Variants in MYH6 observed in about 807,000 individuals in gnomAD.
The protein encoded by MYH6 is myosin heavy chain 6.
A neutral mutation model predicts 223.2 loss-of-function variants in MYH6; 126 were observed. That is an observed-to-expected ratio of 0.56 (90% CI 0.49 to 0.65). The LOEUF (loss-of-function observed/expected upper bound fraction) is 0.65. Ranked by LOEUF, MYH6 falls within the 30% of genes least tolerant of loss-of-function variation. The probability of loss-of-function intolerance (pLI) is 0.00; values close to 1 mark genes in which losing one functional copy is unlikely to be tolerated. For missense variants in MYH6, 2,040 were observed against 2,536.4 expected (o/e 0.80, Z 4.20); for synonymous variants, 978 against 1,010.2 (o/e 0.97, Z 0.61).
In MYH6 at chr14:23,405,489, C is replaced by A; in HGVS notation, c.346-110G>T. ...ACTCCAGCTGGCTCTACTCCTCCTG[C>A]AGCTGACTAGGGGTGGAGGGGGGAA... On this transcript the variant is annotated intron_variant, in intron 4 of 38. Transcript: ENST00000405093. The surrounding 1 kb of genome is among the most constrained non-coding windows in gnomAD (Gnocchi z 4.7). 1 of 1,598,336 alleles carries A rather than the reference C, an allele frequency of 6.3e-7. No homozygotes were observed. The highest frequency in any genetic ancestry group is 8.6e-7 in the Non-Finnish European group (1 of 1,168,160).
intron 29 of MYH6, chr14:23,388,550 C>T (rs1260905996): frequency 6.7e-6 from 6 of 891,642 alleles, no homozygotes; most frequent in Middle Eastern, 3.0e-4. Context: ...GGTGTCAGTG[C>T]CCCCTGCCCT....
At chr14:23,394,407 AC>A (rs1269753131) in intron 20 of MYH6, 84 bp from the exon 21 acceptor site, 17 of 1,558,736 alleles carry the variant, frequency 1.1e-5, no homozygotes, top group Non-Finnish European at 1.4e-5. Context: ...GTTCGTAGGC[AC>A]GTAGACTTCC....
rs753687385 is a variant in MYH6, at chr14:23,387,747, C to A, written c.4525+11G>T. 5 of 1,613,900 alleles carry A rather than the reference C, an allele frequency of 3.1e-6. No homozygotes were observed. The highest frequency in any genetic ancestry group is 4.2e-6 in the Non-Finnish European group (5 of 1,180,000). On this transcript the variant is annotated intron_variant, in intron 31 of 38. Transcript: ENST00000405093. Reference sequence around the variant, plus strand: ...CCAACTCATCTCTGGCCTCTTGGACCCCCAGCACACCCTGAAGGTTCTTGT... The same window carrying A: ...CCAACTCATCTCTGGCCTCTTGGACACCCAGCACACCCTGAAGGTTCTTGT...
chr14:23,391,524 C>T (rs1312950144), intron 25 of MYH6, among the ~76,000 whole-genome samples: 1 of 152,240 alleles, frequency 6.6e-6, no homozygotes, highest in Non-Finnish European at 1.5e-5. Flanking sequence ...GAAGGCGGGC[C>T]AGTCCCTGTG....
At chr14:23,397,952 CTTCTTCTTCTTCTTCT>C (rs1566512445) in intron 15 of MYH6, among the ~76,000 whole-genome samples, 3 of 91,170 alleles carry the variant, frequency 3.3e-5, no homozygotes, top group African/African-American at 1.4e-4. Flanking sequence ...TCTTCTTCTT[CTTCTTCTTCTTCTTCT>C]TCTTCTTCTT....
chr14:23,383,947 C>T (rs1890937255), intron 36 of MYH6, among the ~76,000 whole-genome samples: 1 of 152,174 alleles, frequency 6.6e-6, no homozygotes, highest in African/African-American at 2.4e-5. Context: ...ACCCTCGTCT[C>T]CTTGGCCTTT....
Position 23,404,833 on chromosome 14 carries a change from C to T in MYH6, c.531-11G>A, listed in dbSNP as rs369719466. The stretch of plus-strand genomic sequence containing the variant: ...GCCCCGGATTCTCCCCTGGGGGCCA[C>T]AGAGACCAATCAAAACTCAGGATTC... On this transcript the variant is annotated splice_polypyrimidine_tract_variant and intron_variant, in intron 6 of 38. Transcript: ENST00000405093. 2 of 1,610,572 alleles carry T rather than the reference C, an allele frequency of 1.2e-6. No individual in the cohort carries two copies. Among genetic ancestry groups the T allele is most frequent in the Non-Finnish European group, 1.7e-6 (2 of 1,176,864 alleles).
chr14:23,397,937 C>CTTCTTCTTCTTCTTCTTCTTCTTCTTT (rs1891456886), intron 15 of MYH6, among the ~76,000 whole-genome samples: 5 of 60,448 alleles, frequency 8.3e-5, no homozygotes, highest in Non-Finnish European at 1.7e-4. Flanking sequence ...TCCTCCTCTT[C>CTTCTTCTTCTTCTTCTTCTTCTTCTTT]TTCTTCTTCT....
Position 23,386,100 on chromosome 14 carries a change from C to A in MYH6, c.4991G>T (p.Arg1664Leu). 1.9e-6 allele frequency: 3 copies of A among 1,614,218 alleles called. No individual in the cohort carries two copies. Among genetic ancestry groups the A allele is most frequent in the Non-Finnish European group, 2.5e-6 (3 of 1,180,020 alleles). ...GTTCTCCTTCAGGTCGTCGTTGGCA[C>A]GGACCGCATCGTCCAGCTGGATCTG... The part of the protein sequence containing the change: ...DTQIQLDDAV[R>L]ANDDLKENIA... The change falls in exon 34 of 39, where the codon CGT (arginine) becomes CTT (leucine). Residue 1664 changes from arginine (R) to leucine (L), a missense_variant. Coordinates refer to ENST00000405093, the MANE Select transcript of MYH6 (RefSeq NM_002471.4).
intron 17 of MYH6, 30 bp from the exon 18 acceptor site, chr14:23,397,110 G>A: frequency 2.5e-6 from 4 of 1,614,252 alleles, no homozygotes; most frequent in Non-Finnish European, 3.4e-6. Flanking sequence ...GAAAGGGTCA[G>A]CCTTAGGGTA....
chr14:23,396,114 A>AAAGAAG (rs34644851), intron 20 of MYH6, among the ~76,000 whole-genome samples, 170 bp downstream of exon 20: 34 of 144,740 alleles, frequency 2.3e-4, no homozygotes, highest in African/African-American at 7.7e-4. Flanking sequence ...AAAAAAAAAA[A>AAAGAAG]AAGAAGAAGA....
chr14:23,383,339 G>GGGGGGGGGGGGGGCCCCCCC lies in MYH6; in HGVS notation c.5566-20_5566-19insGGGGGGGCCCCCCCCCCCCC. On this transcript the variant is annotated intron_variant, in intron 36 of 38. Transcript: ENST00000405093. Reference sequence around the variant, plus strand: ...CCTCTGTCTGGGGGTGGGAGGGTGGGAGAAGCTGGTTTGGAGGGGGAGCAA... The same window carrying GGGGGGGGGGGGGGCCCCCCC: ...CCTCTGTCTGGGGGTGGGAGGGTGGGGGGGGGGGGGGGGCCCCCCCAGAAGCTGGTTTGGAGGGGGAGCAA... 2 of 108,174 alleles carry GGGGGGGGGGGGGGCCCCCCC rather than the reference G, an allele frequency of 1.8e-5. No homozygotes were observed. The highest frequency in any genetic ancestry group is 2.3e-4 in the East Asian group (1 of 4,406). 6.7% of individuals were successfully genotyped at this position (108,174 alleles called of 1,614,324 possible).
At chr14:23,390,006 G>C in intron 26 of MYH6, 51 bp downstream of exon 26, 1 of 1,613,160 alleles carries the variant, frequency 6.2e-7, no homozygotes, top group Non-Finnish European at 8.5e-7. Flanking sequence ...AGGCATGGGG[G>C]AGGCTCCGCT....
rs1891650362 is a variant in MYH6, at chr14:23,402,854, A to T, written c.899-54T>A. The T allele has an allele frequency of 7.0e-5, 42 of 595,908 alleles. No individual in the cohort carries two copies. The South Asian group carries it at 7.7e-4, about 11-fold the overall frequency. The allele number at this position is 595,908 out of a possible 1,614,324, so 36.9% of individuals were successfully genotyped here. Reference sequence around the variant, plus strand: ...CAAGGGGGCAGGCGGAGGGCAGGGAAGGGGCAGGTAGAGTTGGGAAAGGGA... The same window carrying T: ...CAAGGGGGCAGGCGGAGGGCAGGGATGGGGCAGGTAGAGTTGGGAAAGGGA... On this transcript the variant is annotated intron_variant, in intron 10 of 38. Transcript: ENST00000405093.
rs556235994 is a variant in MYH6, at chr14:23,404,318, C to T, written c.713G>A (p.Arg238Gln). The change falls in exon 8 of 39, where the codon CGG becomes CAG. Residue 238 changes from arginine to glutamine, a missense_variant. This residue lies in a region of MYH6 where 649 missense variants were observed against 877.3 expected (regional missense o/e 0.74). Transcript: ENST00000405093. ...CACAAAGCGGGAGGAGTTGTCGTTC[C>T]GGACAGTCTTGGCATTGCCGAAGGC... Reference protein sequence around the residue: ...LEAFGNAKTVRNDNSSRFGKF... With the variant: ...LEAFGNAKTVQNDNSSRFGKF... The T allele has an allele frequency of 1.4e-5, 22 of 1,614,224 alleles. No homozygotes were observed. The highest frequency in any genetic ancestry group is 1.1e-4 in the East Asian group (5 of 44,878).
At chr14:23,404,179 G>T in intron 8 of MYH6, 117 bp downstream of exon 8, 1 of 1,240,708 alleles carries the variant, frequency 8.1e-7, no homozygotes, top group Non-Finnish European at 1.2e-6. Context: ...CCACCAACGT[G>T]TGCATGTTGA....
chr14:23,396,940 C>T, intron 18 of MYH6, 23 bp downstream of exon 18: 1 of 1,612,354 alleles, frequency 6.2e-7, no homozygotes, highest in Non-Finnish European at 8.5e-7. Flanking sequence ...GTTCTATGAG[C>T]TCTGGGGCAC....
rs1343754890 is a variant in MYH6, at chr14:23,396,346, G to A, written c.2367C>T (p.Arg789=). 14 of 1,613,980 alleles carry A rather than the reference G, an allele frequency of 8.7e-6. No individual in the cohort carries two copies. The highest frequency in any genetic ancestry group is 1.6e-4 in the Middle Eastern group (1 of 6,082). The change falls in exon 20 of 39, where the codon CGC becomes CGT. Residue 789 remains arginine (R), a synonymous_variant. Transcript: ENST00000405093. ...RDERLSRIIT[R]MQAQARGQLM... is the part of the protein sequence containing the mutation. The stretch of plus-strand genomic sequence containing the variant: ...GCTGGCCCCGGGCTTGGGCCTGCAT[G>A]CGCGTGATGATGCGGCTCAGCCTCT...
intron 20 of MYH6, among the ~76,000 whole-genome samples, chr14:23,394,653 A>G (rs905275166): frequency 3.3e-5 from 5 of 152,180 alleles, no homozygotes; most frequent in Non-Finnish European, 7.4e-5. Context: ...TATAATAAGT[A>G]TGTAAGTTAT....
Sources: allele counts gnomAD v4.1 joint callset (sites outside exome capture counted in the v4.1 genomes callset), GRCh38; gene constraint gnomAD v4.1.1; regional missense constraint gnomAD v4.1.1; non-coding constraint Gnocchi (gnomAD v3.1); transcripts MANE v1.5; gene names NCBI Gene and HGNC (gene_info 2026-07-23, HGNC 2026-07-21).